Variants in C8orf34 observed in about 807,000 individuals in gnomAD.
The protein encoded by C8orf34 is uncharacterized protein C8orf34.
Under a neutral mutation model 68.3 loss-of-function variants are expected in C8orf34, and 65 were observed. That is an observed-to-expected ratio of 0.95 (90% CI 0.78 to 1.17). The LOEUF (loss-of-function observed/expected upper bound fraction) is 1.17. Ranked by LOEUF, C8orf34 falls within the 50% of genes most tolerant of loss-of-function variation. C8orf34 has a pLI of 0.00. For synonymous variants in C8orf34, 244 were observed against 241.2 expected (o/e 1.01, Z -0.11); for missense variants, 664 against 655.4 (o/e 1.01, Z -0.14).
Position 68,741,102 on chromosome 8 carries a change from G to T in C8orf34, c.1404+19665G>T, listed in dbSNP as rs182950091. ...TCAGAGGGTGAAGGGAGGGAGGGGGGAGAGGATCAGTAAAAATGGGTACTG... is the reference window on the plus strand; with the variant it reads ...TCAGAGGGTGAAGGGAGGGAGGGGGTAGAGGATCAGTAAAAATGGGTACTG... On this transcript the variant is annotated intron_variant, in intron 10 of 13. Coordinates refer to ENST00000518698, the MANE Select transcript of C8orf34 (RefSeq NM_052958.4). 4.6e-5 allele frequency among the ~76,000 whole-genome samples: 7 copies of T among 152,088 alleles called. No individual in the cohort carries two copies. The East Asian group carries it at 1.4e-3, about 30-fold the overall frequency.
chr8:68,660,367 A>G (rs936733271), intron 8 of C8orf34, among the ~76,000 whole-genome samples: 15 of 152,172 alleles, frequency 9.9e-5, no homozygotes, highest in Admixed American at 2.0e-4. Context: ...TTATATCCCT[A>G]AGTCCCAGAG....
intron 1 of C8orf34, among the ~76,000 whole-genome samples, chr8:68,333,465 T>C (rs1805719087): frequency 6.6e-6 from 1 of 152,226 alleles, no homozygotes; most frequent in South Asian, 2.1e-4. Context: ...TAATAAAAGC[T>C]GGATGTAACA....
At chr8:68,370,471 T>C (rs1019197698) in intron 1 of C8orf34, among the ~76,000 whole-genome samples, 2 of 152,154 alleles carry the variant, frequency 1.3e-5, no homozygotes, top group African/African-American at 4.8e-5. Context: ...AGGCAGCTAG[T>C]ATGGAGCCTA....
At chr8:68,424,377 G>C (rs1245438475) in intron 1 of C8orf34, among the ~76,000 whole-genome samples, 2 of 152,078 alleles carry the variant, frequency 1.3e-5, no homozygotes, top group African/African-American at 4.8e-5. Context: ...ATAGGATTTT[G>C]AGTCTACTAA....
At chr8:68,777,924 CA>C (rs1238454968) in intron 11 of C8orf34, among the ~76,000 whole-genome samples, 8 of 152,270 alleles carry the variant, frequency 5.3e-5, no homozygotes, top group Admixed American at 2.6e-4. Context: ...CTGAATTTTG[CA>C]AAACATGTGA....
At chr8:68,785,613 ACAT>A (rs1224929925) in intron 11 of C8orf34, among the ~76,000 whole-genome samples, 2 of 152,118 alleles carry the variant, frequency 1.3e-5, no homozygotes, top group African/African-American at 4.8e-5. Context: ...GTTGTTTCAT[ACAT>A]CTGTAACACA....
At chr8:68,722,970 C>G (rs910375777) in intron 10 of C8orf34, among the ~76,000 whole-genome samples, 3 of 152,014 alleles carry the variant, frequency 2.0e-5, no homozygotes, top group African/African-American at 7.2e-5. Flanking sequence ...GATATTTTCA[C>G]TCCTCTATTC....
chr8:68,393,962 C>G (rs1396814601), intron 1 of C8orf34, among the ~76,000 whole-genome samples: 1 of 152,058 alleles, frequency 6.6e-6, no homozygotes, highest in Non-Finnish European at 1.5e-5. Context: ...GGACTGGCTA[C>G]ATTCAAAACT....
chr8:68,446,565 T>G, intron 3 of C8orf34, 105 bp downstream of exon 3: 2 of 1,229,572 alleles, frequency 1.6e-6, no homozygotes, highest in Non-Finnish European at 2.3e-6. Flanking sequence ...ATCTGATATT[T>G]CTGGCCTTTA....
chr8:68,526,116 C>G (rs1349345641), intron 6 of C8orf34, among the ~76,000 whole-genome samples: 2 of 151,944 alleles, frequency 1.3e-5, no homozygotes, highest in East Asian at 3.9e-4. Flanking sequence ...CCCCACCATG[C>G]CCAGCTAATT....
chr8:68,816,022 A>C, intron 13 of C8orf34, 77 bp downstream of exon 13: 1 of 1,609,138 alleles, frequency 6.2e-7, no homozygotes, highest in Non-Finnish European at 8.5e-7. Flanking sequence ...GATTTGTATT[A>C]AAAAAGTACG....
Position 68,582,983 on chromosome 8 carries a change from CTTCTT to C in C8orf34, c.1105+49840_1105+49844del, listed in dbSNP as rs1254644400. On this transcript the variant is annotated intron_variant, in intron 7 of 13. Coordinates refer to ENST00000518698, the MANE Select transcript of C8orf34 (RefSeq NM_052958.4). ...GATAAGAGTCTTTTGTAATTTCATC[CTTCTT>C]TTCTTCTTTGTACAGAGTGGGAGAT... Among the ~76,000 whole-genome samples, 5 of 152,150 alleles carry C rather than the reference CTTCTT, an allele frequency of 3.3e-5. No individual in the cohort carries two copies. In the South Asian group the frequency reaches 6.2e-4, roughly 19 times the overall value.
intron 10 of C8orf34, among the ~76,000 whole-genome samples, chr8:68,755,857 C>T (rs897529130): frequency 1.3e-5 from 2 of 151,354 alleles, no homozygotes; most frequent in African/African-American, 2.4e-5. Flanking sequence ...GTCAGGAGGT[C>T]GAGACCATCC....
At chr8:68,341,186 G>A (rs951050967) in intron 1 of C8orf34, among the ~76,000 whole-genome samples, 8 of 152,152 alleles carry the variant, frequency 5.3e-5, no homozygotes, top group Non-Finnish European at 1.0e-4. Flanking sequence ...TGTAGATGGT[G>A]GCTTCTCTGT....
intron 3 of C8orf34, among the ~76,000 whole-genome samples, chr8:68,448,996 A>G (rs1229281518): frequency 6.6e-6 from 1 of 152,136 alleles, no homozygotes; most frequent in East Asian, 1.9e-4. Context: ...GAAGTTTCTC[A>G]ATACATGACA....
chr8:68,665,560 C>A (rs1819811944), intron 8 of C8orf34, among the ~76,000 whole-genome samples: 1 of 152,158 alleles, frequency 6.6e-6, no homozygotes, highest in Admixed American at 6.5e-5. Context: ...TCTCTTACAT[C>A]ATTTCGTACC....
intron 7 of C8orf34, among the ~76,000 whole-genome samples, chr8:68,577,439 AT>A (rs571221008): frequency 1.2e-3 from 189 of 152,064 alleles, no homozygotes; most frequent in Middle Eastern, 0.01. Context: ...TACTTTTACC[AT>A]TTTTTAATTG....
At chr8:68,347,406 A>G (rs1166756459) in intron 1 of C8orf34, among the ~76,000 whole-genome samples, 1 of 152,042 alleles carries the variant, frequency 6.6e-6, no homozygotes, top group African/African-American at 2.4e-5. Context: ...GCTATTATGA[A>G]TAGTGCTGCA....
chr8:68,448,495 A>T (rs1195005717), intron 3 of C8orf34, among the ~76,000 whole-genome samples: 1 of 152,198 alleles, frequency 6.6e-6, no homozygotes, highest in Non-Finnish European at 1.5e-5. Flanking sequence ...TGAGTTAAAG[A>T]TGCATTTTTC....
Sources: allele counts gnomAD v4.1 joint callset (sites outside exome capture counted in the v4.1 genomes callset), GRCh38; gene constraint gnomAD v4.1.1; transcripts MANE v1.5; gene names NCBI Gene and HGNC (gene_info 2026-07-23, HGNC 2026-07-21).